The following SANBR variants were observed in gnomAD, a reference collection of about 807,000 sequenced individuals.
The protein encoded by SANBR is SANT and BTB domain regulator of CSR, also known as SANT and BTB domain regulator of class switch recombination.
Under a neutral mutation model 101.8 loss-of-function variants are expected in SANBR, and 77 were observed. That is an observed-to-expected ratio of 0.76 (90% confidence interval 0.63 to 0.91). The LOEUF is 0.91. Ranked by LOEUF, SANBR falls within the 40% of genes least tolerant of loss-of-function variation. SANBR has a pLI of 0.00. For missense variants in SANBR, 875 were observed against 853.0 expected, an observed-to-expected ratio of 1.03 and a Z score of -0.32; for synonymous variants, 279 against 274.7, an observed-to-expected ratio of 1.02 and a Z score of -0.15.
At chr2:61,135,550 T>C (rs1487446941) in intron 21 of SANBR, among the ~76,000 whole-genome samples, 1 of 152,228 alleles carries the variant, frequency 6.6e-6, no homozygotes, top group Admixed American at 6.5e-5. Flanking sequence ...TATACTGTTA[T>C]GTGACATGAT....
chr2:61,114,171 G>T (rs1377505163), intron 16 of SANBR, among the ~76,000 whole-genome samples: 1 of 152,176 alleles, frequency 6.6e-6, no homozygotes, highest in Non-Finnish European at 1.5e-5. Flanking sequence ...CACTGACACA[G>T]ATATTATGCT....
chr2:61,104,835 G>T (rs914511470), intron 13 of SANBR, among the ~76,000 whole-genome samples: 1 of 151,378 alleles, frequency 6.6e-6, no homozygotes, highest in African/African-American at 2.4e-5. Flanking sequence ...TTGGGAGGCC[G>T]AGGCAGGCGG....
chr2:61,107,439 C>T (rs1683625659), intron 14 of SANBR, among the ~76,000 whole-genome samples: 1 of 152,000 alleles, frequency 6.6e-6, no homozygotes, highest in Non-Finnish European at 1.5e-5. Context: ...TTTAAAGTGA[C>T]CAGAAAACTT....
At position 61,108,347 on chromosome 2, in the gene SANBR, C is replaced by T; in HGVS notation, c.1642C>T (p.Leu548=). 6.4e-7 allele frequency: 1 copy of T among 1,565,442 alleles called. No homozygotes were observed. ...FLSLKNWTLQ[L]KQQSLFSEEE... is the part of the protein sequence containing the mutation. The stretch of plus-strand genomic sequence containing the variant: ...GTCATTGAAAAACTGGACTCTACAA[C>T]TGGTAAGTGAGCAATTACAGTTAGC... Residue 548 remains leucine (L), a splice_region_variant and synonymous_variant, in exon 15 of 22, where the codon CTG becomes TTG. Transcript: ENST00000402291.
At chr2:61,070,827 G>T (rs530025622) in intron 3 of SANBR, among the ~76,000 whole-genome samples, 1 of 150,784 alleles carries the variant, frequency 6.6e-6, no homozygotes, top group Admixed American at 6.7e-5. Context: ...AGGCTGGAGT[G>T]CAGTGGTGCC....
chr2:61,123,153 A>T lies in SANBR; in HGVS notation c.*991A>T. On this transcript the variant is annotated 3_prime_UTR_variant, in exon 22 of 22. Coordinates refer to ENST00000402291, the MANE Select transcript of SANBR (RefSeq NM_001129993.3). ...CCAGGCAGAAAGAGTGCTCAGGGAA[A>T]ATTTGTTCCAAACTATAACCATATA... 1.0e-6 allele frequency: 1 copy of T among 981,258 alleles called. No individual in the cohort carries two copies. Among genetic ancestry groups the T allele is most frequent in the Non-Finnish European group, 1.2e-6 (1 of 825,984 alleles). The allele number at this position is 981,258 out of a possible 1,614,324, so 60.8% of individuals were successfully genotyped here. A position where few individuals can be genotyped will look rare whatever the true frequency, so the allele number is the denominator to read the frequency against.
At chr2:61,131,235 C>G (rs1255557080) in intron 20 of SANBR, among the ~76,000 whole-genome samples, 1 of 151,974 alleles carries the variant, frequency 6.6e-6, no homozygotes, top group African/African-American at 2.4e-5. Flanking sequence ...TAAAATGCAT[C>G]TAAATTGGAA....
In SANBR at chr2:61,088,174, G is replaced by A; in HGVS notation, c.906G>A (p.Lys302=). 1 of 1,601,966 alleles carries A rather than the reference G, an allele frequency of 6.2e-7. No individual in the cohort carries two copies. Among genetic ancestry groups the A allele is most frequent in the Non-Finnish European group, 8.5e-7 (1 of 1,176,066 alleles). The change falls in exon 9 of 22, where the codon AAG becomes AAA. Residue 302 remains lysine, a synonymous_variant. Transcript: ENST00000402291. ...TTGTTAATAGCAAACTTTTTTGTAA[G>A]AAGATTGAAAGACTGTTTGATCCTG... ...KDKFKSKLFC[K]KIERLFDPEY... is the part of the protein sequence containing the mutation.
chr2:61,133,832 T>C (rs1039536950), intron 20 of SANBR, among the ~76,000 whole-genome samples: 1 of 152,204 alleles, frequency 6.6e-6, no homozygotes, highest in Non-Finnish European at 1.5e-5. Context: ...AGAGTTTCTC[T>C]TTGAGGTGAT....
Position 61,092,593 on chromosome 2 carries a change from A to ATTT in SANBR, c.1212+15_1212+17dup. On this transcript the variant is annotated splice_region_variant and intron_variant, in intron 11 of 21. Coordinates refer to ENST00000402291, the MANE Select transcript of SANBR (RefSeq NM_001129993.3). ...CTTGTTCAAGATGTTATCAGGTAAG[A>ATTT]TTTTTTTTTTTAAATATCCTGCTCT... The ATTT allele has an allele frequency of 7.3e-7, 1 of 1,375,434 alleles. No individual in the cohort carries two copies. Among genetic ancestry groups the ATTT allele is most frequent in the Non-Finnish European group, 9.8e-7 (1 of 1,018,468 alleles). The allele number at this position is 1,375,434 out of a possible 1,614,324, so 85.2% of individuals were successfully genotyped here.
chr2:61,134,103 G>A, intron 20 of SANBR: 1 of 1,612,254 alleles, frequency 6.2e-7, no homozygotes, highest in Non-Finnish European at 8.5e-7. Context: ...TATCCATCAT[G>A]CATAGGGTAG....
intron 21 of SANBR, chr2:61,134,288 A>G (rs556393822): frequency 8.3e-5 from 129 of 1,545,730 alleles, no homozygotes; most frequent in East Asian, 7.1e-4. Flanking sequence ...TAAGTGCTCA[A>G]AAATGTTAGC....
chr2:61,109,097 A>T, intron 15 of SANBR, 100 bp from the exon 16 acceptor site: 1 of 543,362 alleles, frequency 1.8e-6, no homozygotes. Flanking sequence ...TCAGCTCTTG[A>T]TTGACTGATT....
rs541089496 is a variant in SANBR at position 61,102,966 on chromosome 2, A to G, written c.1366-887A>G. Among the ~76,000 whole-genome samples the G allele has an allele frequency of 2.0e-5, 3 of 152,256 alleles. No homozygotes were observed. In the South Asian group the frequency reaches 6.2e-4, roughly 32 times the overall value. ...ACTTGTGTACTGAGAAACAGATAAAAGAATGTTCATAGTAATATTATTTTT... is the reference window on the plus strand; with the variant it reads ...ACTTGTGTACTGAGAAACAGATAAAGGAATGTTCATAGTAATATTATTTTT... On this transcript the variant is annotated intron_variant, in intron 12 of 21. Transcript: ENST00000402291.
rs558207135 is a variant in SANBR at position 61,068,933 on chromosome 2, C to G, written c.-62C>G. 1 of 152,508 alleles carries G rather than the reference C, an allele frequency of 6.6e-6. No individual in the cohort carries two copies. Among genetic ancestry groups the G allele is most frequent in the East Asian group, 1.9e-4 (1 of 5,330 alleles). 9.4% of individuals were successfully genotyped at this position (152,508 alleles called of 1,614,324 possible). ...GAACTGCGATGCAAACTTGGACAGT[C>G]TGACTCCAGAGTCTGCACACTTAAC... On this transcript the variant is annotated 5_prime_UTR_variant, in exon 2 of 22. Coordinates refer to ENST00000402291, the MANE Select transcript of SANBR (RefSeq NM_001129993.3).
chr2:61,087,091 C>T (rs900735239), intron 8 of SANBR, among the ~76,000 whole-genome samples: 1 of 152,114 alleles, frequency 6.6e-6, no homozygotes, highest in African/African-American at 2.4e-5. Context: ...TTAAAAACAT[C>T]ACTTAACCCT....
intron 16 of SANBR, among the ~76,000 whole-genome samples, chr2:61,110,524 C>T (rs1683779364): frequency 6.6e-6 from 1 of 152,124 alleles, no homozygotes; most frequent in South Asian, 2.1e-4. Flanking sequence ...TACAAAAATA[C>T]AAAAATTAGC....
At chr2:61,110,504 A>G (rs965480636) in intron 16 of SANBR, among the ~76,000 whole-genome samples, 1 of 152,154 alleles carries the variant, frequency 6.6e-6, no homozygotes, top group African/African-American at 2.4e-5. Flanking sequence ...ACGTGGTGAA[A>G]CCCGGTCTCT....
downstream of SANBR, among the ~76,000 whole-genome samples, chr2:61,124,787 AGAT>A (rs1044217222): frequency 2.0e-5 from 3 of 152,260 alleles, no homozygotes; most frequent in Admixed American, 1.3e-4. Context: ...ATTTCAGAAA[AGAT>A]GATCTGATAA....
Sources: allele counts gnomAD v4.1 joint callset (sites outside exome capture counted in the v4.1 genomes callset), GRCh38; gene constraint gnomAD v4.1.1; transcripts MANE v1.5; gene names NCBI Gene and HGNC (gene_info 2026-07-23, HGNC 2026-07-21).